Variants in DCPS observed in about 807,000 individuals in gnomAD.
DCPS encodes the protein m7GpppX diphosphatase.
Under a neutral mutation model 34.7 loss-of-function variants are expected in DCPS, and 27 were observed. The observed-to-expected ratio is 0.78, with a 90% confidence interval of 0.57 to 1.07. The LOEUF is 1.07. Ranked by LOEUF, DCPS falls within the 50% of genes least tolerant of loss-of-function variation. The pLI, the probability that DCPS is intolerant of heterozygous loss-of-function variation, is 0.00. For synonymous variants in DCPS, 185 were observed against 185.7 expected, an observed-to-expected ratio of 1.00 and a Z score of 0.03; for missense variants, 464 against 436.9, an observed-to-expected ratio of 1.06 and a Z score of -0.55.
intron 2 of DCPS, among the ~76,000 whole-genome samples, chr11:126,311,075 C>T (rs761024762): frequency 1.5e-4 from 23 of 152,232 alleles, no homozygotes; most frequent in Non-Finnish European, 2.6e-4. Flanking sequence ...ATCCCCTCCA[C>T]GTTCTCAGCT....
Position 126,348,001 on chromosome 11 carries a change from C to T in DCPS, c.*2388C>T, listed in dbSNP as rs1951953318. Among the ~76,000 whole-genome samples the T allele has an allele frequency of 6.6e-6, 1 of 152,084 alleles. No individual in the cohort carries two copies. The highest frequency in any genetic ancestry group is 1.5e-5 in the Non-Finnish European group (1 of 68,024). ...GGTGCTGCTGGAGGGTCTGACTCCA[C>T]GGGCTCCCGCTGACCTTGCCGTTCC... On this transcript the variant is annotated 3_prime_UTR_variant, in exon 6 of 6. Coordinates refer to ENST00000263579, the MANE Select transcript of DCPS (RefSeq NM_014026.6). The surrounding 1 kb of genome is among the most constrained non-coding windows in gnomAD (Gnocchi z 5.3).
rs2135327034 is a variant in DCPS, at chr11:126,331,180, C to T, written c.377-225C>T. Among the ~76,000 whole-genome samples the T allele has an allele frequency of 6.6e-6, 1 of 152,262 alleles. No homozygotes were observed. Among genetic ancestry groups the T allele is most frequent in the South Asian group, 2.1e-4 (1 of 4,820 alleles). On this transcript the variant is annotated intron_variant, in intron 2 of 5. Transcript: ENST00000263579. The surrounding 1 kb of genome is among the most constrained non-coding windows in gnomAD (Gnocchi z 7.2). ...TTGCCTGATGAGGGGCCCAGTGACC[C>T]ACAGGTAAGAACCTTGTGTTTTCCA...
At chr11:126,341,229 G>T (rs1951873389) in intron 4 of DCPS, 1 of 152,218 alleles carries the variant, frequency 6.6e-6, no homozygotes, top group Non-Finnish European at 1.5e-5. Context: ...CTTTCTTCCT[G>T]CCAGGAAACT....
In DCPS at chr11:126,333,000, C is replaced by T. The variant is rs1039824388; in HGVS notation, c.522+1450C>T. ...GGGATTACAGGTGCTTGCCACCATGCCTGGCTACTTTTTTGTATTTTTAGT... is the reference window on the plus strand; with the variant it reads ...GGGATTACAGGTGCTTGCCACCATGTCTGGCTACTTTTTTGTATTTTTAGT... On this transcript the variant is annotated intron_variant, in intron 3 of 5. Coordinates refer to ENST00000263579, the MANE Select transcript of DCPS (RefSeq NM_014026.6). The surrounding 1 kb of genome is among the most constrained non-coding windows in gnomAD (Gnocchi z 5.4). Among the ~76,000 whole-genome samples the T allele has an allele frequency of 6.6e-6, 1 of 152,112 alleles. No individual in the cohort carries two copies. Among genetic ancestry groups the T allele is most frequent in the Non-Finnish European group, 1.5e-5 (1 of 68,024 alleles).
At chr11:126,306,810 T>A (rs1591379885) in intron 2 of DCPS, 66 bp downstream of exon 2, 1 of 1,541,402 alleles carries the variant, frequency 6.5e-7, no homozygotes. Context: ...TTAGGTGGTA[T>A]GGTGACCAGA....
chr11:126,340,425 A>G (rs1403609102), intron 4 of DCPS, among the ~76,000 whole-genome samples: 1 of 152,006 alleles, frequency 6.6e-6, no homozygotes, highest in Non-Finnish European at 1.5e-5. Flanking sequence ...GGATTCAAGC[A>G]ATTCTCGTGC....
chr11:126,343,441 T>C (rs1951893423), intron 5 of DCPS, 24 bp downstream of exon 5: 1 of 1,575,212 alleles, frequency 6.3e-7, no homozygotes, highest in East Asian at 2.3e-5. Flanking sequence ...CCAAACCACG[T>C]GGAAGCTCAG....
rs970186406 is a variant in DCPS at position 126,349,743 on chromosome 11, T to C, written c.*4130T>C. Among the ~76,000 whole-genome samples, 3 of 152,226 alleles carry C rather than the reference T, an allele frequency of 2.0e-5. No individual in the cohort carries two copies. Among genetic ancestry groups the C allele is most frequent in the Non-Finnish European group, 4.4e-5 (3 of 68,032 alleles). ...GGACTGTTTTTATTCCAAACATGTATATATAAGGTTAAAATGTATTTTTTA... is the reference window on the plus strand; with the variant it reads ...GGACTGTTTTTATTCCAAACATGTACATATAAGGTTAAAATGTATTTTTTA... On this transcript the variant is annotated 3_prime_UTR_variant, in exon 6 of 6. Transcript: ENST00000263579. This position sits in a 1 kb window ranked among gnomAD's most constrained non-coding sequence, Gnocchi z 5.4.
At position 126,332,117 on chromosome 11, in the gene DCPS, G is replaced by T. The variant is rs1015177118; in HGVS notation, c.522+567G>T. Among the ~76,000 whole-genome samples the T allele has an allele frequency of 2.6e-5, 4 of 152,186 alleles. No homozygotes were observed. The highest frequency in any genetic ancestry group is 5.9e-5 in the Non-Finnish European group (4 of 68,032). ...ACTCTTATTCCTGGTTTCACCTGCGGCAAACCGGCCTGCAGGATCTCAGTC... is the reference window on the plus strand; with the variant it reads ...ACTCTTATTCCTGGTTTCACCTGCGTCAAACCGGCCTGCAGGATCTCAGTC... On this transcript the variant is annotated intron_variant, in intron 3 of 5. Coordinates refer to ENST00000263579, the MANE Select transcript of DCPS (RefSeq NM_014026.6). The surrounding 1 kb of genome is among the most constrained non-coding windows in gnomAD (Gnocchi z 5.4).
Position 126,338,446 on chromosome 11 carries a change from T to C in DCPS, c.636+47T>C. On this transcript the variant is annotated intron_variant, in intron 4 of 5. Coordinates refer to ENST00000263579, the MANE Select transcript of DCPS (RefSeq NM_014026.6). This position sits in a 1 kb window ranked among gnomAD's most constrained non-coding sequence, Gnocchi z 5.4. ...GTCCTGATCTCTGGCCACCCTGCTG[T>C]AAGTGCTGGTCCTTCTGACTGCCCT... 1 of 1,545,678 alleles carries C rather than the reference T, an allele frequency of 6.5e-7. No individual in the cohort carries two copies. Among genetic ancestry groups the C allele is most frequent in the Non-Finnish European group, 8.9e-7 (1 of 1,117,822 alleles).
rs930270896 is a variant in DCPS at position 126,335,941 on chromosome 11, A to G, written c.523-2345A>G. ...TCAGAAAAAACAAAAAACAAAAACC[A>G]ACAAAAAAACCTGTCTCTACTAAAA... is the stretch of plus-strand genomic sequence containing the variant. On this transcript the variant is annotated intron_variant, in intron 3 of 5. Transcript: ENST00000263579. This position sits in a 1 kb window ranked among gnomAD's most constrained non-coding sequence, Gnocchi z 4.8. 4.6e-5 allele frequency among the ~76,000 whole-genome samples: 7 copies of G among 151,716 alleles called. No individual in the cohort carries two copies. The highest frequency in any genetic ancestry group is 1.7e-4 in the African/African-American group (7 of 41,288).
At position 126,344,513 on chromosome 11, in the gene DCPS, G is replaced by A. The variant is rs932305649; in HGVS notation, c.748-834G>A. Among the ~76,000 whole-genome samples, 1 of 152,060 alleles carries A rather than the reference G, an allele frequency of 6.6e-6. No individual in the cohort carries two copies. Among genetic ancestry groups the A allele is most frequent in the Non-Finnish European group, 1.5e-5 (1 of 68,008 alleles). On this transcript the variant is annotated intron_variant, in intron 5 of 5. Transcript: ENST00000263579. This position sits in a 1 kb window ranked among gnomAD's most constrained non-coding sequence, Gnocchi z 8.1. ...CCTCGGGTGCCTTGGCCCTGGTCTCGCCCCGCTGCAGGGATTCCTGGGGTG... is the reference window on the plus strand; with the variant it reads ...CCTCGGGTGCCTTGGCCCTGGTCTCACCCCGCTGCAGGGATTCCTGGGGTG...
rs1004980561 is a variant in DCPS, at chr11:126,348,186, G to A, written c.*2573G>A. On this transcript the variant is annotated 3_prime_UTR_variant, in exon 6 of 6. Coordinates refer to ENST00000263579, the MANE Select transcript of DCPS (RefSeq NM_014026.6). The surrounding 1 kb of genome is among the most constrained non-coding windows in gnomAD (Gnocchi z 5.3). The stretch of plus-strand genomic sequence containing the variant: ...CAGAGGGCAGGCACTCAGGTCTGGA[G>A]AGGCAGGGCATGGAGACAGGGACCC... 2.0e-5 allele frequency among the ~76,000 whole-genome samples: 3 copies of A among 152,218 alleles called. No homozygotes were observed. The highest frequency in any genetic ancestry group is 7.2e-5 in the African/African-American group (3 of 41,460).
At chr11:126,304,786 A>C (rs1011981826) in intron 1 of DCPS, among the ~76,000 whole-genome samples, 1 of 152,312 alleles carries the variant, frequency 6.6e-6, no homozygotes, top group Non-Finnish European at 1.5e-5. Context: ...GGTACTGGGG[A>C]TGTGGAGACG....
At chr11:126,308,170 T>C (rs1430352321) in intron 2 of DCPS, among the ~76,000 whole-genome samples, 1 of 152,204 alleles carries the variant, frequency 6.6e-6, no homozygotes, top group African/African-American at 2.4e-5. Context: ...ACATGTGCAT[T>C]TTTTCTCAAG....
chr11:126,330,505 A>C (rs1951774592), intron 2 of DCPS, among the ~76,000 whole-genome samples: 1 of 151,608 alleles, frequency 6.6e-6, no homozygotes, highest in East Asian at 1.9e-4. Context: ...TTGGCAGATG[A>C]AGAAGTAGGG....
intron 4 of DCPS, among the ~76,000 whole-genome samples, chr11:126,339,746 G>C (rs1367779976): frequency 6.6e-6 from 1 of 152,204 alleles, no homozygotes; most frequent in Non-Finnish European, 1.5e-5. Flanking sequence ...GGCCTTGAAG[G>C]AGGGAGCCAG....
At chr11:126,339,318 C>T (rs140271765) in intron 4 of DCPS, among the ~76,000 whole-genome samples, 1 of 152,208 alleles carries the variant, frequency 6.6e-6, no homozygotes, top group Non-Finnish European at 1.5e-5. Flanking sequence ...GTGGGCCCGT[C>T]TAGTTTCTGC....
Position 126,331,567 on chromosome 11 carries a change from C to T in DCPS, c.522+17C>T. 1.2e-6 allele frequency: 2 copies of T among 1,612,912 alleles called. No individual in the cohort carries two copies. Among genetic ancestry groups the T allele is most frequent in the South Asian group, 1.1e-5 (1 of 90,996 alleles). On this transcript the variant is annotated intron_variant, in intron 3 of 5. Transcript: ENST00000263579. This position sits in a 1 kb window ranked among gnomAD's most constrained non-coding sequence, Gnocchi z 7.2. ...AGCATCCAGGTGACTGGCTGCATGT[C>T]TCAGACGCAGAGCACTGCTCCCGTG...
Sources: gnomAD v4.1 joint callset for allele counts (sites outside exome capture counted in the v4.1 genomes callset) on GRCh38, gnomAD v4.1.1 for gene constraint, Gnocchi (gnomAD v3.1) non-coding constraint, MANE v1.5 for transcripts, NCBI Gene and HGNC (gene_info 2026-07-23, HGNC 2026-07-21) for gene names.